Variants in MAGI2 observed in about 807,000 individuals in gnomAD.
The protein encoded by MAGI2 is membrane associated guanylate kinase, WW and PDZ domain containing 2.
MAGI2 carries 35 observed loss-of-function variants against 133.3 expected under a neutral mutation model. That is an observed-to-expected ratio of 0.26 (90% CI 0.20 to 0.35). MAGI2 has a LOEUF of 0.35. MAGI2 is among the 10% of genes least tolerant of loss of function. The pLI is 1.00. For missense variants in MAGI2, 1,636 were observed against 1,863.4 expected, an observed-to-expected ratio of 0.88 and a Z score of 2.25; for synonymous variants, 729 against 710.6, an observed-to-expected ratio of 1.03 and a Z score of -0.41.
At chr7:79,111,207 A>G (rs1450382100) in intron 1 of MAGI2, among the ~76,000 whole-genome samples, 3 of 152,210 alleles carry the variant, frequency 2.0e-5, no homozygotes, top group East Asian at 3.9e-4. Flanking sequence ...CTTATTATTA[A>G]CTCAGACTTT....
intron 1 of MAGI2, among the ~76,000 whole-genome samples, chr7:79,224,331 G>A (rs1476064435): frequency 1.3e-5 from 2 of 151,968 alleles, no homozygotes; most frequent in African/African-American, 2.4e-5. Context: ...TAAGTATTGA[G>A]CAATCTGGTC....
chr7:79,188,939 C>T (rs181867328), intron 1 of MAGI2, among the ~76,000 whole-genome samples: 1 of 151,870 alleles, frequency 6.6e-6, no homozygotes, highest in Admixed American at 6.6e-5. Context: ...TACAATATAA[C>T]CAATGCCTTT....
intron 2 of MAGI2, among the ~76,000 whole-genome samples, chr7:78,893,674 A>G (rs1434038294): frequency 6.6e-6 from 1 of 152,056 alleles, no homozygotes; most frequent in Admixed American, 6.6e-5. Context: ...GGTAGGAATT[A>G]AACAATGAGA....
At position 78,246,716 on chromosome 7, in the gene MAGI2, T is replaced by C. The variant is rs565346004; in HGVS notation, c.2047+9227A>G. 2.6e-5 allele frequency among the ~76,000 whole-genome samples: 4 copies of C among 152,302 alleles called. No individual in the cohort carries two copies. The East Asian group carries it at 7.7e-4, about 29-fold the overall frequency. On this transcript the variant is annotated intron_variant, in intron 10 of 21. Coordinates refer to ENST00000354212, the MANE Select transcript of MAGI2 (RefSeq NM_012301.4). ...CCACCTCAGGGTCCAAAGTCACCACTAAATAGTGTCTCATCCCCCACGATC... is the reference window on the plus strand; with the variant it reads ...CCACCTCAGGGTCCAAAGTCACCACCAAATAGTGTCTCATCCCCCACGATC...
chr7:78,501,510 C>G lies in MAGI2; in HGVS notation c.965+67G>C. ...TTTTTTTTTTTTTTTCCACGTCTAA[C>G]TTGCTACATCATTTATATCCCGCTA... On this transcript the variant is annotated intron_variant, in intron 5 of 21. Transcript: ENST00000354212. 1.7e-5 allele frequency: 16 copies of G among 962,028 alleles called. No individual in the cohort carries two copies. In the South Asian group the frequency reaches 2.2e-4, roughly 13 times the overall value. The allele number at this position is 962,028 out of a possible 1,614,324, so 59.6% of individuals were successfully genotyped here.
intron 10 of MAGI2, among the ~76,000 whole-genome samples, chr7:78,223,044 T>G (rs1417091553): frequency 6.6e-6 from 1 of 152,184 alleles, no homozygotes; most frequent in Non-Finnish European, 1.5e-5. Context: ...GCTGTCAATA[T>G]TTCTGTGGAT....
At chr7:79,372,656 C>A (rs892233465) in intron 1 of MAGI2, among the ~76,000 whole-genome samples, 8 of 151,998 alleles carry the variant, frequency 5.3e-5, no homozygotes, top group Admixed American at 1.3e-4. Flanking sequence ...TTTTAACACC[C>A]AATTTTCAGT....
intron 1 of MAGI2, chr7:79,411,933 T>C (rs1476105393): frequency 6.6e-6 from 1 of 152,020 alleles, no homozygotes; most frequent in African/African-American, 2.4e-5. Flanking sequence ...ATACTATATA[T>C]TCAATTTTTG....
intron 1 of MAGI2, among the ~76,000 whole-genome samples, chr7:79,366,266 A>AAT (rs760399333): frequency 7.9e-5 from 12 of 151,870 alleles, no homozygotes; most frequent in Admixed American, 2.0e-4. Flanking sequence ...AACAAAGAAA[A>AAT]ATATATATAT....
At chr7:78,741,074 A>G (rs1449499676) in intron 2 of MAGI2, among the ~76,000 whole-genome samples, 2 of 152,182 alleles carry the variant, frequency 1.3e-5, no homozygotes, top group African/African-American at 4.8e-5. Context: ...TTTTTTTTCC[A>G]TCCGGGAGTT....
At chr7:78,130,768 G>A (rs1251389107) in intron 18 of MAGI2, among the ~76,000 whole-genome samples, 1 of 152,194 alleles carries the variant, frequency 6.6e-6, no homozygotes, top group East Asian at 1.9e-4. Flanking sequence ...AGAACTCTGG[G>A]CAAATATGTT....
At chr7:78,322,925 G>T in intron 9 of MAGI2, among the ~76,000 whole-genome samples, 1 of 152,056 alleles carries the variant, frequency 6.6e-6, no homozygotes, top group East Asian at 1.9e-4. Flanking sequence ...GACACTGAAA[G>T]GTGAAGAATG....
chr7:78,073,253 G>T (rs917454881), intron 21 of MAGI2, among the ~76,000 whole-genome samples: 15 of 152,022 alleles, frequency 9.9e-5, no homozygotes, highest in African/African-American at 3.6e-4. Flanking sequence ...TTATATTAAA[G>T]AAACGATTAA....
intron 1 of MAGI2, among the ~76,000 whole-genome samples, chr7:79,449,296 C>T (rs1419426196): frequency 2.0e-5 from 3 of 150,886 alleles, no homozygotes; most frequent in African/African-American, 7.3e-5. Context: ...TAGATCTTCT[C>T]TAAAACTGAA....
At chr7:78,025,092 G>T (rs1014337892) in intron 21 of MAGI2, among the ~76,000 whole-genome samples, 4 of 152,150 alleles carry the variant, frequency 2.6e-5, no homozygotes, top group Non-Finnish European at 5.9e-5. Context: ...GCCCCTGCCA[G>T]CCTCCCCAGC....
intron 1 of MAGI2, among the ~76,000 whole-genome samples, chr7:79,225,014 C>T (rs1447761569): frequency 1.3e-5 from 2 of 152,164 alleles, no homozygotes; most frequent in African/African-American, 4.8e-5. Flanking sequence ...TCTTATTTCA[C>T]TTTTGTCCAT....
intron 1 of MAGI2, among the ~76,000 whole-genome samples, chr7:79,079,610 A>T (rs1033174488): frequency 6.6e-6 from 1 of 152,146 alleles, no homozygotes; most frequent in African/African-American, 2.4e-5. Flanking sequence ...CAAAAAGGAA[A>T]CTTACCCTGG....
intron 2 of MAGI2, among the ~76,000 whole-genome samples, chr7:78,858,519 T>C (rs1022572928): frequency 6.6e-6 from 1 of 152,156 alleles, no homozygotes. Flanking sequence ...ACCCAGTAGT[T>C]ATTCAGGAGC....
chr7:78,998,187 C>T lies in MAGI2; in HGVS notation c.418+8903G>A, dbSNP rs74952460. On this transcript the variant is annotated intron_variant, in intron 2 of 21. Coordinates refer to ENST00000354212, the MANE Select transcript of MAGI2 (RefSeq NM_012301.4). Reference sequence around the variant, plus strand: ...TATCCAGAACTGCACTTAATTTAAACGCACCTCTTTATGGTTTTCTTTCCC... The same window carrying T: ...TATCCAGAACTGCACTTAATTTAAATGCACCTCTTTATGGTTTTCTTTCCC... 9.3e-3 allele frequency among the ~76,000 whole-genome samples: 1,413 copies of T among 152,254 alleles called. 20 individuals carry two copies. The highest frequency in any genetic ancestry group is 0.033 in the African/African-American group (1,356 of 41,548).
Sources: allele counts gnomAD v4.1 joint callset (sites outside exome capture counted in the v4.1 genomes callset), GRCh38; gene constraint gnomAD v4.1.1; transcripts MANE v1.5; gene names NCBI Gene and HGNC (gene_info 2026-07-23, HGNC 2026-07-21).